The following EVC variants were observed in gnomAD, a reference collection of about 807,000 sequenced individuals.
EVC encodes evC complex member EVC.
Under a neutral mutation model 118.9 loss-of-function variants are expected in EVC, and 116 were observed. The observed-to-expected ratio is 0.98, with a 90% CI of 0.84 to 1.14. The LOEUF is 1.14. EVC is among the 50% of genes most tolerant of loss of function. The pLI, the probability that EVC is intolerant of heterozygous loss-of-function variation, is 0.00. For synonymous variants in EVC, 619 were observed against 534.7 expected (o/e 1.16, Z -2.18); for missense variants, 1,401 against 1,246.4 (o/e 1.12, Z -1.87).
the EVC span, among the ~76,000 whole-genome samples, chr4:5,822,835 G>T: frequency 6.6e-6 from 1 of 152,134 alleles, no homozygotes; most frequent in Non-Finnish European, 1.5e-5. Flanking sequence ...ACAGAAAAAC[G>T]TAAGTAAGTT....
intron 5 of EVC, among the ~76,000 whole-genome samples, chr4:5,736,279 CTACA>C (rs1194575398): frequency 2.8e-5 from 4 of 145,094 alleles, no homozygotes; most frequent in African/African-American, 5.4e-5. Context: ...TTGCATAGAA[CTACA>C]CACACACACA....
Position 5,758,392 on chromosome 4 carries a change from A to C in EVC, c.1563+2030A>C, listed in dbSNP as rs1264805650. On this transcript the variant is annotated intron_variant, in intron 11 of 20. Transcript: ENST00000264956. ...TTTGTTCAGGGCTAGCTCCTATCTTAAGTGCCTCTTGAGTATTTGATTATT... is the reference window on the plus strand; with the variant it reads ...TTTGTTCAGGGCTAGCTCCTATCTTCAGTGCCTCTTGAGTATTTGATTATT... 1.4e-5 allele frequency: 6 copies of C among 420,202 alleles called. No homozygotes were observed. In the Admixed American group the frequency reaches 2.4e-4, roughly 17 times the overall value. The allele number at this position is 420,202 out of a possible 1,614,324, so 26.0% of individuals were successfully genotyped here.
At chr4:5,766,861 A>T (rs1471838954) in intron 11 of EVC, among the ~76,000 whole-genome samples, 7 of 151,688 alleles carry the variant, frequency 4.6e-5, no homozygotes, top group African/African-American at 1.7e-4. Context: ...TTCCTCCTGT[A>T]GCTCAGAGTA....
chr4:5,750,954 C>T (rs1452630967), intron 8 of EVC, among the ~76,000 whole-genome samples: 1 of 152,104 alleles, frequency 6.6e-6, no homozygotes, highest in Non-Finnish European at 1.5e-5. Flanking sequence ...CTGGCCTGGG[C>T]ATTTGGAGCT....
chr4:5,714,851 C>T (rs975081223), intron 1 of EVC, among the ~76,000 whole-genome samples: 1 of 152,146 alleles, frequency 6.6e-6, no homozygotes, highest in Non-Finnish European at 1.5e-5. Context: ...ATTGCCCAGG[C>T]TGGAGTTCAG....
intron 1 of EVC, among the ~76,000 whole-genome samples, chr4:5,718,521 A>C (rs1724362353): frequency 6.6e-6 from 1 of 152,000 alleles, no homozygotes; most frequent in Admixed American, 6.6e-5. Context: ...AGAAATGCAA[A>C]AACTGTGCTA....
In EVC at chr4:5,798,610, A is replaced by G; in HGVS notation, c.2122A>G (p.Ser708Gly). The change falls in exon 15 of 21, where the codon AGC (serine) becomes GGC (glycine). Residue 708 changes from serine to glycine, a missense_variant. Physicochemically the swap from Ser to Gly is moderately conservative, Grantham distance 56. Coordinates refer to ENST00000264956, the MANE Select transcript of EVC (RefSeq NM_153717.3). This position sits in a 1 kb window ranked among gnomAD's most constrained non-coding sequence, Gnocchi z 4.1. ...ALEARVLEEASRLEEEAQQTR... is the reference protein window; with the variant it reads ...ALEARVLEEAGRLEEEAQQTR... ...GGAGGCGCGTGTGCTGGAGGAGGCCAGCCGGCTAGAGGAGGAAGCACAGCA... is the reference window on the plus strand; with the variant it reads ...GGAGGCGCGTGTGCTGGAGGAGGCCGGCCGGCTAGAGGAGGAAGCACAGCA... 6.3e-7 allele frequency: 1 copy of G among 1,576,710 alleles called. No homozygotes were observed. The highest frequency in any genetic ancestry group is 8.6e-7 in the Non-Finnish European group (1 of 1,162,482).
chr4:5,766,116 C>A (rs1181867060), intron 11 of EVC, among the ~76,000 whole-genome samples: 1 of 140,674 alleles, frequency 7.1e-6, no homozygotes, highest in Non-Finnish European at 1.5e-5. Context: ...CAAAATCTCT[C>A]AGCATTTGCT....
chr4:5,738,543 A>G lies in EVC; in HGVS notation c.703-3173A>G, dbSNP rs1364887092. ...GCCACCCTAACCTTCAGCAACCACT[A>G]CCCTCATAAGTCAGTAGCCATCAAC... On this transcript the variant is annotated intron_variant, in intron 5 of 20. Transcript: ENST00000264956. The surrounding 1 kb of genome is among the most constrained non-coding windows in gnomAD (Gnocchi z 6.5). Among the ~76,000 whole-genome samples, 5 of 151,618 alleles carry G rather than the reference A, an allele frequency of 3.3e-5. No homozygotes were observed. The highest frequency in any genetic ancestry group is 9.7e-5 in the African/African-American group (4 of 41,254).
In EVC at chr4:5,757,605, G is replaced by T. The variant is rs115807587; in HGVS notation, c.1563+1243G>T. On this transcript the variant is annotated intron_variant, in intron 11 of 20. Transcript: ENST00000264956. Reference sequence around the variant, plus strand: ...CGGGCTTGCAGACAGCTGCCTTCCCGTTGCCTCCTCACACGGTTATTTCTC... The same window carrying T: ...CGGGCTTGCAGACAGCTGCCTTCCCTTTGCCTCCTCACACGGTTATTTCTC... Among the ~76,000 whole-genome samples the T allele has an allele frequency of 9.8e-3, 1,497 of 152,312 alleles. 30 individuals are homozygous for T. Among genetic ancestry groups the T allele is most frequent in the African/African-American group, 0.034 (1,410 of 41,566 alleles).
chr4:5,727,656 G>A (rs1412360591), intron 2 of EVC, among the ~76,000 whole-genome samples: 1 of 151,810 alleles, frequency 6.6e-6, no homozygotes, highest in Non-Finnish European at 1.5e-5. Context: ...ACATGCCTAT[G>A]TCCTGAATGG....
At chr4:5,796,213 A>C (rs533290650) in intron 13 of EVC, among the ~76,000 whole-genome samples, 256 of 151,798 alleles carry the variant, frequency 1.7e-3, no homozygotes, top group African/African-American at 5.8e-3. Flanking sequence ...TAATTTCTGG[A>C]ACATATTAAT....
chr4:5,782,230 C>T (rs1003130477), intron 11 of EVC, among the ~76,000 whole-genome samples: 2 of 151,288 alleles, frequency 1.3e-5, no homozygotes, highest in Non-Finnish European at 2.9e-5. Flanking sequence ...TGCGCCACCA[C>T]GCCCGGCTAA....
intron 12 of EVC, among the ~76,000 whole-genome samples, chr4:5,785,355 A>T (rs1458975987): frequency 6.6e-6 from 1 of 152,116 alleles, no homozygotes; most frequent in South Asian, 2.1e-4. Flanking sequence ...CTACATGCTT[A>T]TTGTCAGAAA....
At chr4:5,815,360 G>C (rs1164847772), downstream of EVC, among the ~76,000 whole-genome samples, 1 of 152,180 alleles carries the variant, frequency 6.6e-6, no homozygotes, top group Admixed American at 6.5e-5. Flanking sequence ...ATAGGAAAAA[G>C]AAAAGCATTC....
In EVC at chr4:5,798,626, A is replaced by G; in HGVS notation, c.2138A>G (p.Glu713Gly). The G allele has an allele frequency of 3.8e-6, 6 of 1,588,422 alleles. No homozygotes were observed. The highest frequency in any genetic ancestry group is 5.1e-6 in the Non-Finnish European group (6 of 1,168,886). Reference protein sequence around the residue: ...VLEEASRLEEEAQQTRLQLQQ... With the variant: ...VLEEASRLEEGAQQTRLQLQQ... Reference sequence around the variant, plus strand: ...GAGGAGGCCAGCCGGCTAGAGGAGGAAGCACAGCAGACACGGCTGCAGCTC... The same window carrying G: ...GAGGAGGCCAGCCGGCTAGAGGAGGGAGCACAGCAGACACGGCTGCAGCTC... Residue 713 changes from glutamate (E) to glycine (G), a missense_variant, in exon 15 of 21, where the codon GAA (glutamate) becomes GGA (glycine). By Grantham distance (98) the Glu-to-Gly change is moderately conservative (BLOSUM62 -2). Coordinates refer to ENST00000264956, the MANE Select transcript of EVC (RefSeq NM_153717.3). The surrounding 1 kb of genome is among the most constrained non-coding windows in gnomAD (Gnocchi z 4.1).
Position 5,753,046 on chromosome 4 carries a change from A to C in EVC, c.1309A>C (p.Ser437Arg). 1 of 1,587,952 alleles carries C rather than the reference A, an allele frequency of 6.3e-7. No homozygotes were observed. Among genetic ancestry groups the C allele is most frequent in the Non-Finnish European group, 8.6e-7 (1 of 1,168,200 alleles). ...CTTCTGGCAGGAGGCAGAGCGCTTC[A>C]GCCGGGGTGAGCCGTGGGCATGGGT... ...KAFWQEAERFSREFVQRGKDL... is the reference protein window; with the variant it reads ...KAFWQEAERFRREFVQRGKDL... Residue 437 changes from serine (S) to arginine (R), a missense_variant, in exon 9 of 21, where the codon AGC becomes CGC. Transcript: ENST00000264956.
Position 5,738,098 on chromosome 4 carries a change from T to A in EVC, c.703-3618T>A, listed in dbSNP as rs894331738. ...TGATTTCAATCCTCATGAATGACTT[T>A]GAGGGGATTCAGAACTTCAGTGGAG... On this transcript the variant is annotated intron_variant, in intron 5 of 20. Transcript: ENST00000264956. This position sits in a 1 kb window ranked among gnomAD's most constrained non-coding sequence, Gnocchi z 6.5. Among the ~76,000 whole-genome samples, 2 of 152,166 alleles carry A rather than the reference T, an allele frequency of 1.3e-5. No individual in the cohort carries two copies. Among genetic ancestry groups the A allele is most frequent in the Non-Finnish European group, 2.9e-5 (2 of 68,040 alleles).
At position 5,711,329 on chromosome 4, in the gene EVC, G is replaced by A. The variant is rs1323989387; in HGVS notation, c.-52G>A. Reference sequence around the variant, plus strand: ...AGTCCCGCGTCGCCGCCCTGGCGGGGACGGTGCAGCAGGCGGCGGGATGCG... The same window carrying A: ...AGTCCCGCGTCGCCGCCCTGGCGGGAACGGTGCAGCAGGCGGCGGGATGCG... On this transcript the variant is annotated 5_prime_UTR_variant, in exon 1 of 21. Coordinates refer to ENST00000264956, the MANE Select transcript of EVC (RefSeq NM_153717.3). 2.0e-6 allele frequency: 2 copies of A among 1,002,498 alleles called. No homozygotes were observed. Among genetic ancestry groups the A allele is most frequent in the African/African-American group, 1.7e-5 (1 of 57,530 alleles). The allele number at this position is 1,002,498 out of a possible 1,614,324, so 62.1% of individuals were successfully genotyped here.
Sources: allele counts gnomAD v4.1 joint callset (sites outside exome capture counted in the v4.1 genomes callset), GRCh38; gene constraint gnomAD v4.1.1; non-coding constraint Gnocchi (gnomAD v3.1); transcripts MANE v1.5; gene names NCBI Gene and HGNC (gene_info 2026-07-23, HGNC 2026-07-21).